MILR1: variants seen among roughly 807,000 people sequenced by gnomAD.
MILR1 encodes the protein mast cell immunoglobulin like receptor 1.
Under a neutral mutation model 18.5 loss-of-function variants are expected in MILR1, and 31 were observed. The ratio of observed to expected loss-of-function variants is 1.68; its 90% confidence interval spans 1.26 to 2.26. The LOEUF is 2.26. MILR1 is among the 30% of genes most tolerant of loss of function. The pLI is 0.00. For synonymous variants in MILR1, 85 were observed against 56.2 expected (o/e 1.51, Z -2.30); for missense variants, 257 against 157.4 (o/e 1.63, Z -3.38).
chr17:64,460,308 A>G (rs2037404176), intron 4 of MILR1, among the ~76,000 whole-genome samples: 2 of 151,438 alleles, frequency 1.3e-5, no homozygotes, highest in African/African-American at 4.9e-5. Flanking sequence ...TTACAGGTGT[A>G]AGCCACTGAG....
intron 2 of MILR1, among the ~76,000 whole-genome samples, chr17:64,449,558 AAAT>A (rs1177451827): frequency 6.6e-6 from 1 of 152,178 alleles, no homozygotes; most frequent in African/African-American, 2.4e-5. Flanking sequence ...TCAGTGAGAA[AAAT>A]AATGAAATTT....
intron 3 of MILR1, among the ~76,000 whole-genome samples, chr17:64,455,932 T>C (rs2037288756): frequency 6.6e-6 from 1 of 151,892 alleles, no homozygotes; most frequent in South Asian, 2.1e-4. Context: ...CCCCAGCTAC[T>C]TGGGAGGCTG....
At chr17:64,476,314 A>G in the MILR1 span, among the ~76,000 whole-genome samples, 1 of 152,152 alleles carries the variant, frequency 6.6e-6, no homozygotes, top group Non-Finnish European at 1.5e-5. Flanking sequence ...TTAATGTGAT[A>G]ATAGTGTGGT....
At chr17:64,488,487 G>C in the MILR1 span, among the ~76,000 whole-genome samples, 41 of 152,116 alleles carry the variant, frequency 2.7e-4, no homozygotes, top group Admixed American at 5.9e-4. Context: ...AGAACAGCTT[G>C]AGCCCAGGAA....
intron 6 of MILR1, 99 bp from the exon 7 acceptor site, chr17:64,466,343 C>A: frequency 1.0e-6 from 1 of 962,954 alleles, no homozygotes; most frequent in Non-Finnish European, 1.6e-6. Context: ...ACAGTCCCAG[C>A]CTACATGGCC....
chr17:64,467,553 T>TC lies in MILR1; in HGVS notation c.980-12_980-11insC, dbSNP rs1568072934. 6.8e-7 allele frequency: 1 copy of TC among 1,478,232 alleles called. No homozygotes were observed. 91.6% of individuals were successfully genotyped at this position (1,478,232 alleles called of 1,614,324 possible). On this transcript the variant is annotated splice_polypyrimidine_tract_variant and intron_variant, in intron 8 of 9. Coordinates refer to ENST00000619286, the MANE Select transcript of MILR1 (RefSeq NM_001085423.2). ...ATATCCTAAGTAAATTATTTTCCCTTTTATATTTCAGAAGCCTGTGATTCT... is the reference window on the plus strand; with the variant it reads ...ATATCCTAAGTAAATTATTTTCCCTTCTTATATTTCAGAAGCCTGTGATTCT...
chr17:64,485,484 GCTGT>G, the MILR1 span: 1 of 502,844 alleles, frequency 2.0e-6, no homozygotes, highest in East Asian at 3.8e-5. Flanking sequence ...CATAGAGATA[GCTGT>G]CTGTTCACAA....
intron 3 of MILR1, among the ~76,000 whole-genome samples, chr17:64,455,683 A>G (rs2037279784): frequency 6.7e-6 from 1 of 150,334 alleles, no homozygotes; most frequent in African/African-American, 2.4e-5. Context: ...GATGGTCTCA[A>G]TCTCCTGACC....
intron 5 of MILR1, among the ~76,000 whole-genome samples, chr17:64,462,224 C>T (rs2037447630): frequency 6.6e-6 from 1 of 152,064 alleles, no homozygotes; most frequent in South Asian, 2.1e-4. Context: ...GAGACGGGGC[C>T]TCACTATGTT....
At chr17:64,479,306 C>T in the MILR1 span, among the ~76,000 whole-genome samples, 2 of 151,626 alleles carry the variant, frequency 1.3e-5, no homozygotes, top group East Asian at 3.9e-4. Flanking sequence ...GCCTCAGCCT[C>T]CCAAGTAGCT....
At chr17:64,483,709 A>T in the MILR1 span, among the ~76,000 whole-genome samples, 1 of 151,504 alleles carries the variant, frequency 6.6e-6, no homozygotes, top group African/African-American at 2.4e-5. Flanking sequence ...AAAAATTTTT[A>T]AATGAAATTT....
chr17:64,465,467 A>C lies in MILR1; in HGVS notation c.779A>C (p.Asn260Thr). ...ATTTACGTAGGAAAAGCTATGAGAAATAATGTGCCCAGGGACCGTGGAGAC... is the reference window on the plus strand; with the variant it reads ...ATTTACGTAGGAAAAGCTATGAGAACTAATGTGCCCAGGGACCGTGGAGAC... ...PKYKTRKAMRNNVPRDRGDTA... is the reference protein window; with the variant it reads ...PKYKTRKAMRTNVPRDRGDTA... Residue 260 changes from asparagine (N) to threonine (T), a missense_variant, in exon 6 of 10, where the codon AAT becomes ACT. Asn to Thr is a moderately conservative substitution (Grantham distance 65). Transcript: ENST00000619286. 1 of 1,608,654 alleles carries C rather than the reference A, an allele frequency of 6.2e-7. No individual in the cohort carries two copies. Among genetic ancestry groups the C allele is most frequent in the South Asian group, 1.1e-5 (1 of 89,742 alleles).
chr17:64,463,472 A>G (rs971494958), intron 5 of MILR1, among the ~76,000 whole-genome samples: 1 of 152,170 alleles, frequency 6.6e-6, no homozygotes, highest in South Asian at 2.1e-4. Flanking sequence ...CTGTTGGACA[A>G]GCCCCTCAGG....
At chr17:64,480,383 G>A in the MILR1 span, 1 of 1,506,160 alleles carries the variant, frequency 6.6e-7, no homozygotes, top group South Asian at 1.1e-5. Flanking sequence ...AATAGCCCTT[G>A]ACAAACCTAG....
chr17:64,454,750 T>G (rs2037252644), intron 3 of MILR1, among the ~76,000 whole-genome samples: 1 of 152,110 alleles, frequency 6.6e-6, no homozygotes. Flanking sequence ...TCCCAGCACT[T>G]TGTGAGGCTG....
chr17:64,472,521 T>C (rs1555664786), downstream of MILR1, among the ~76,000 whole-genome samples: 2 of 122,236 alleles, frequency 1.6e-5, no homozygotes, highest in Non-Finnish European at 3.4e-5. Flanking sequence ...GAAAACACCA[T>C]GATGTGTTGC....
the MILR1 span, chr17:64,481,250 G>C: frequency 1.0e-6 from 1 of 984,468 alleles, no homozygotes; most frequent in Non-Finnish European, 1.2e-6. Flanking sequence ...CCATACCCTG[G>C]GAGAAAATGT....
chr17:64,485,223 C>T, the MILR1 span: 2 of 157,668 alleles, frequency 1.3e-5, no homozygotes, highest in African/African-American at 4.8e-5. Flanking sequence ...CTTCTCCTCT[C>T]GATTTTCTTT....
chr17:64,479,091 T>TTCAAGTGC, the MILR1 span, among the ~76,000 whole-genome samples: 1 of 152,130 alleles, frequency 6.6e-6, no homozygotes, highest in African/African-American at 2.4e-5. Flanking sequence ...GACAAGAAAG[T>TTCAAGTGC]TCAAGTGCTG....
Sources: allele counts gnomAD v4.1 joint callset (sites outside exome capture counted in the v4.1 genomes callset), GRCh38; gene constraint gnomAD v4.1.1; transcripts MANE v1.5; gene names NCBI Gene and HGNC (gene_info 2026-07-23, HGNC 2026-07-21).